The following ODR4 variants were observed in gnomAD, a reference collection of about 807,000 sequenced individuals.
ODR4 encodes the protein protein odr-4 homolog.
In ODR4, 47 loss-of-function variants were observed where a neutral mutation model predicts 60.2. That is an observed-to-expected ratio of 0.78 (90% confidence interval 0.62 to 1.00). The LOEUF is 1.00. Among genes scored for constraint, ODR4 ranks in the 50% least tolerant of loss-of-function variants. The pLI is 0.00. For synonymous variants in ODR4, 178 were observed against 175.5 expected (o/e 1.01, Z -0.11); for missense variants, 488 against 530.8 (o/e 0.92, Z 0.79).
At chr1:186,387,420 G>C (rs866628631) in intron 4 of ODR4, among the ~76,000 whole-genome samples, 1 of 152,160 alleles carries the variant, frequency 6.6e-6, no homozygotes, top group Non-Finnish European at 1.5e-5. Context: ...AATTGAGGGG[G>C]TTGAATGTGG....
intron 6 of ODR4, 96 bp downstream of exon 6, chr1:186,389,720 ACT>A: frequency 1.2e-6 from 1 of 823,394 alleles, no homozygotes; most frequent in Non-Finnish European, 1.9e-6. Context: ...CATTGCCATC[ACT>A]TCCTATTGAT....
At chr1:186,421,377 A>G (rs1306174551), downstream of ODR4, 1 of 152,214 alleles carries the variant, frequency 6.6e-6, no homozygotes, top group East Asian at 1.9e-4. Context: ...CAACATTAAT[A>G]ATGTGGAATT....
At chr1:186,386,220 C>CT (rs1402641705) in intron 4 of ODR4, 137 bp downstream of exon 4, 17 of 506,166 alleles carry the variant, frequency 3.4e-5, no homozygotes, top group Non-Finnish European at 5.1e-5. Flanking sequence ...ATTGAAAAAG[C>CT]TTTTGTCACT....
intron 4 of ODR4, among the ~76,000 whole-genome samples, 185 bp from the exon 5 acceptor site, chr1:186,388,257 G>C (rs1388186379): frequency 6.6e-6 from 1 of 152,198 alleles, no homozygotes; most frequent in East Asian, 1.9e-4. Flanking sequence ...TGAGGTGAGA[G>C]AATCACTTGA....
At chr1:186,406,385 AC>A (rs1388611340) in intron 12 of ODR4, 117 bp downstream of exon 12, 1 of 631,010 alleles carries the variant, frequency 1.6e-6, no homozygotes, top group African/African-American at 1.9e-5. Context: ...TCTGTTTGAC[AC>A]TTCGAAATAT....
At chr1:186,417,756 C>T in intron 13 of ODR4, 102 bp downstream of exon 13, 1 of 681,602 alleles carries the variant, frequency 1.5e-6, no homozygotes, top group Non-Finnish European at 2.6e-6. Flanking sequence ...CTTAAGATTG[C>T]TAGACTTAAC....
chr1:186,384,950 C>T (rs535574491), intron 3 of ODR4, among the ~76,000 whole-genome samples: 1 of 152,058 alleles, frequency 6.6e-6, no homozygotes, highest in African/African-American at 2.4e-5. Context: ...AACCAAAACA[C>T]TCTAATCTCT....
At chr1:186,387,969 G>A (rs1251522538) in intron 4 of ODR4, among the ~76,000 whole-genome samples, 2 of 152,110 alleles carry the variant, frequency 1.3e-5, no homozygotes, top group Non-Finnish European at 2.9e-5. Context: ...TGCTAAATGG[G>A]TGACATGCTT....
At chr1:186,391,595 T>G in intron 7 of ODR4, 101 bp from the exon 8 acceptor site, 1 of 773,966 alleles carries the variant, frequency 1.3e-6, no homozygotes, top group Admixed American at 2.5e-5. Context: ...GATTTAGGGA[T>G]TTTAATATTT....
At chr1:186,395,118 G>A (rs1015853248) in intron 9 of ODR4, among the ~76,000 whole-genome samples, 6 of 152,076 alleles carry the variant, frequency 3.9e-5, no homozygotes, top group South Asian at 2.1e-4. Context: ...TTTTTGAGAC[G>A]GAGTCTCGCT....
In ODR4 at chr1:186,415,090, G is replaced by GA. The variant is rs558584841; in HGVS notation, c.1187-2445dup. 7.0e-3 allele frequency among the ~76,000 whole-genome samples: 1,025 copies of GA among 146,678 alleles called. 16 individuals carry two copies. The highest frequency in any genetic ancestry group is 0.024 in the African/African-American group (985 of 40,352). ...TTGTGACTGGTTTGATATGAGAATA[G>GA]AAAAAAAAAGGGGGGAGGGTTTTTT... On this transcript the variant is annotated intron_variant, in intron 12 of 13. Coordinates refer to ENST00000287859, the MANE Select transcript of ODR4 (RefSeq NM_017847.6).
intron 11 of ODR4, chr1:186,401,462 GTCTT>G (rs1438212181): frequency 5.9e-6 from 1 of 169,378 alleles, no homozygotes; most frequent in Non-Finnish European, 1.2e-5. Flanking sequence ...GGCATCGTCC[GTCTT>G]TCTGTCTGTC....
rs918291661 is a variant in ODR4 at position 186,404,808 on chromosome 1, A to G, written c.1001-1275A>G. Among the ~76,000 whole-genome samples, 4 of 152,200 alleles carry G rather than the reference A, an allele frequency of 2.6e-5. No homozygotes were observed. In the East Asian group the frequency reaches 7.7e-4, roughly 29 times the overall value. On this transcript the variant is annotated intron_variant, in intron 11 of 13. Transcript: ENST00000287859. ...TAAAGTTACCACTAGTTTCTTGACA[A>G]CGAAGTCTAGGTTACTATTAAAATA...
chr1:186,396,908 T>G (rs973461187), intron 9 of ODR4, among the ~76,000 whole-genome samples: 1 of 152,194 alleles, frequency 6.6e-6, no homozygotes, highest in African/African-American at 2.4e-5. Context: ...ATGGAGTAGA[T>G]AGGGGAAGCC....
At chr1:186,417,163 G>T (rs1571704604) in intron 12 of ODR4, among the ~76,000 whole-genome samples, 1 of 151,878 alleles carries the variant, frequency 6.6e-6, no homozygotes, top group East Asian at 2.0e-4. Context: ...GGGTTTCACT[G>T]TGTTGCCCAG....
At chr1:186,389,469 G>T in intron 5 of ODR4, 119 bp from the exon 6 acceptor site, 2 of 716,504 alleles carry the variant, frequency 2.8e-6, no homozygotes, top group Non-Finnish European at 4.7e-6. Context: ...TCTTTAAAGT[G>T]TTATGATTTT....
intron 9 of ODR4, among the ~76,000 whole-genome samples, chr1:186,396,657 T>G (rs1660689845): frequency 6.6e-6 from 1 of 151,744 alleles, no homozygotes; most frequent in Non-Finnish European, 1.5e-5. Context: ...ATACCTCTTT[T>G]CTTTAATATG....
chr1:186,414,620 C>T (rs1368800349), intron 12 of ODR4, among the ~76,000 whole-genome samples: 4 of 151,394 alleles, frequency 2.6e-5, no homozygotes, highest in East Asian at 1.9e-4. Flanking sequence ...CCTGGGTTCA[C>T]GCCATTCTCC....
chr1:186,427,449 A>G, the ODR4 span, among the ~76,000 whole-genome samples: 55 of 152,156 alleles, frequency 3.6e-4, no homozygotes, highest in Non-Finnish European at 1.6e-4. Context: ...TTTTATCATG[A>G]TATCGCACCA....
Sources: gnomAD v4.1 joint callset for allele counts (sites outside exome capture counted in the v4.1 genomes callset) on GRCh38, gnomAD v4.1.1 for gene constraint, MANE v1.5 for transcripts, NCBI Gene and HGNC (gene_info 2026-07-23, HGNC 2026-07-21) for gene names.